MTFR1: variants seen among roughly 807,000 people sequenced by gnomAD.
MTFR1 encodes the protein mitochondrial fission regulator 1.
In MTFR1, 28 loss-of-function variants were observed where a neutral mutation model predicts 38.8. The observed-to-expected ratio is 0.72, with a 90% CI of 0.53 to 0.99. The LOEUF (loss-of-function observed/expected upper bound fraction) is 0.99. MTFR1 is among the 50% of genes least tolerant of loss of function. The pLI, the probability that MTFR1 is intolerant of heterozygous loss-of-function variation, is 0.00. For missense variants in MTFR1, 358 were observed against 395.5 expected (o/e 0.91, Z 0.81); for synonymous variants, 145 against 137.0 (o/e 1.06, Z -0.41).
At position 65,715,707 on chromosome 8, in the gene MTFR1, C is replaced by T. The variant is rs576090669; in HGVS notation, c.382-3673C>T. Reference sequence around the variant, plus strand: ...AAATGTTCTTAAAAAATTAGCTGGCCGGGCACGGTGGCTCACGCCTGTAAT... The same window carrying T: ...AAATGTTCTTAAAAAATTAGCTGGCTGGGCACGGTGGCTCACGCCTGTAAT... On this transcript the variant is annotated intron_variant, in intron 2 of 3. Coordinates refer to the MTFR1 transcript ENST00000521247. 4.0e-3 allele frequency among the ~76,000 whole-genome samples: 561 copies of T among 139,196 alleles called. 3 individuals are homozygous for T. The highest frequency in any genetic ancestry group is 0.013 in the African/African-American group (506 of 39,000). The allele number at this position is 139,196 out of a possible 152,430, so 91.3% of individuals were successfully genotyped here. A position where few individuals can be genotyped will look rare whatever the true frequency, so the allele number is the denominator to read the frequency against.
chr8:65,770,145 G>A (rs1229216799), intron 3 of MTFR1, among the ~76,000 whole-genome samples: 24 of 149,150 alleles, frequency 1.6e-4, no homozygotes, highest in Admixed American at 1.5e-3. Context: ...GTGTGTGTGT[G>A]TGTGTGTGTG....
chr8:65,715,714 G>A (rs1433328543), intron 2 of MTFR1, among the ~76,000 whole-genome samples: 33 of 145,554 alleles, frequency 2.3e-4, no homozygotes, highest in African/African-American at 6.7e-4. Flanking sequence ...GGCCGGGCAC[G>A]GTGGCTCACG....
intron 4 of MTFR1, among the ~76,000 whole-genome samples, chr8:65,702,626 A>G (rs1011701399): frequency 6.6e-6 from 1 of 152,058 alleles, no homozygotes; most frequent in Non-Finnish European, 1.5e-5. Context: ...ATTCTAGGAC[A>G]ATAGAGTATG....
chr8:65,662,127 A>G (rs1169503949), intron 1 of MTFR1, among the ~76,000 whole-genome samples: 1 of 139,948 alleles, frequency 7.1e-6, no homozygotes, highest in African/African-American at 2.7e-5. Context: ...CTCTCTTTCC[A>G]CGGTCTCCCT....
chr8:65,660,148 A>G (rs913171430), intron 1 of MTFR1, among the ~76,000 whole-genome samples: 1 of 151,958 alleles, frequency 6.6e-6, no homozygotes, highest in South Asian at 2.1e-4. Flanking sequence ...AAAATTAGCC[A>G]GGCATGGTGG....
chr8:65,726,122 ATTT>A (rs1358336199), intron 3 of MTFR1, among the ~76,000 whole-genome samples: 8 of 152,144 alleles, frequency 5.3e-5, no homozygotes, highest in African/African-American at 1.9e-4. Context: ...ACTCAAACAT[ATTT>A]TTATACCTCA....
intron 3 of MTFR1, chr8:65,765,405 C>T (rs1285838894): frequency 2.3e-5 from 3 of 131,436 alleles, no homozygotes; most frequent in East Asian, 2.5e-4. Context: ...AGGAGAATGG[C>T]GTGAACCCGG....
At chr8:65,739,456 G>T in intron 3 of MTFR1, 3 of 1,505,476 alleles carry the variant, frequency 2.0e-6, no homozygotes, top group Non-Finnish European at 2.6e-6. Flanking sequence ...ACAGGTTCTT[G>T]TATAAATGTA....
chr8:65,761,809 A>G (rs891259082), intron 3 of MTFR1, among the ~76,000 whole-genome samples: 1 of 152,322 alleles, frequency 6.6e-6, no homozygotes, highest in South Asian at 2.1e-4. Flanking sequence ...TCCCCTCCTC[A>G]TATTAGAAAG....
intron 4 of MTFR1, among the ~76,000 whole-genome samples, chr8:65,696,261 AAC>A (rs573109894): frequency 2.0e-5 from 3 of 152,224 alleles, no homozygotes; most frequent in Non-Finnish European, 2.9e-5. Context: ...GCAGTAGATA[AAC>A]ACAGGGATTG....
At chr8:65,661,035 T>C (rs910889506) in intron 1 of MTFR1, among the ~76,000 whole-genome samples, 7 of 152,086 alleles carry the variant, frequency 4.6e-5, no homozygotes, top group African/African-American at 1.7e-4. Flanking sequence ...ATGGAGACAA[T>C]AAAAGGATCA....
At chr8:65,706,356 A>G (rs1000544699) in intron 5 of MTFR1, among the ~76,000 whole-genome samples, 1 of 152,182 alleles carries the variant, frequency 6.6e-6, no homozygotes, top group Non-Finnish European at 1.5e-5. Context: ...TTCACCCAAT[A>G]AACAACTTTC....
intron 3 of MTFR1, among the ~76,000 whole-genome samples, chr8:65,770,160 TGTGC>T (rs1387969226): frequency 1.2e-4 from 17 of 138,324 alleles, no homozygotes; most frequent in South Asian, 4.6e-4. Context: ...TGTGTGTGTG[TGTGC>T]CACACCTAAT....
At chr8:65,695,446 T>G (rs1393036224) in intron 4 of MTFR1, among the ~76,000 whole-genome samples, 2 of 151,938 alleles carry the variant, frequency 1.3e-5, no homozygotes, top group African/African-American at 4.8e-5. Context: ...AACCCCCACC[T>G]CCCGGGTTCT....
intron 1 of MTFR1, among the ~76,000 whole-genome samples, chr8:65,660,301 A>G (rs995676478): frequency 5.4e-5 from 8 of 148,354 alleles, no homozygotes; most frequent in Admixed American, 2.7e-4. Flanking sequence ...CAAAAAAAAA[A>G]AAAAAAAAGA....
chr8:65,690,952 C>T (rs1805257928), intron 3 of MTFR1, among the ~76,000 whole-genome samples: 1 of 152,126 alleles, frequency 6.6e-6, no homozygotes, highest in Admixed American at 6.5e-5. Flanking sequence ...ATGGGAATAT[C>T]AGGATACCAT....
intron 3 of MTFR1, among the ~76,000 whole-genome samples, chr8:65,743,343 C>G (rs1807524858): frequency 6.6e-6 from 1 of 152,066 alleles, no homozygotes; most frequent in Non-Finnish European, 1.5e-5. Flanking sequence ...GATATCAGAG[C>G]CTTTCCTGTG....
rs149118435 is a variant in MTFR1, at chr8:65,767,001, A to AAACAACAAC, written c.*49-3918_*49-3910dup. 2.7e-4 allele frequency among the ~76,000 whole-genome samples: 41 copies of AAACAACAAC among 150,974 alleles called. No homozygotes were observed. The East Asian group carries it at 5.6e-3, about 21-fold the overall frequency. ...TGTCAGAAATAAGTCTGCTCATTCA[A>AAACAACAAC]AACAACAACAACAACAACAACAACA... On this transcript the variant is annotated intron_variant, in intron 3 of 3. Coordinates refer to the MTFR1 transcript ENST00000521247.
intron 3 of MTFR1, among the ~76,000 whole-genome samples, chr8:65,768,960 A>G (rs1455258650): frequency 6.6e-6 from 1 of 152,194 alleles, no homozygotes; most frequent in Non-Finnish European, 1.5e-5. Flanking sequence ...TAAAAGTAAC[A>G]GACATGGCCA....
Sources: gnomAD v4.1 joint callset for allele counts (sites outside exome capture counted in the v4.1 genomes callset) on GRCh38, gnomAD v4.1.1 for gene constraint, MANE v1.5 for transcripts, NCBI Gene and HGNC (gene_info 2026-07-23, HGNC 2026-07-21) for gene names.